ADCYAP1R1: variants seen among roughly 807,000 people sequenced by gnomAD.
The protein encoded by ADCYAP1R1 is ADCYAP receptor type I.
Under a neutral mutation model 67.6 loss-of-function variants are expected in ADCYAP1R1, and 44 were observed. The observed-to-expected ratio is 0.65, with a 90% CI of 0.51 to 0.84. The LOEUF (loss-of-function observed/expected upper bound fraction) is 0.84. Ranked by LOEUF, ADCYAP1R1 falls within the 40% of genes least tolerant of loss-of-function variation. The pLI is 0.00. For synonymous variants in ADCYAP1R1, 222 were observed against 219.6 expected, an observed-to-expected ratio of 1.01 and a Z score of -0.10; for missense variants, 477 against 587.9, an observed-to-expected ratio of 0.81 and a Z score of 1.95.
At chr7:31,068,410 C>T (rs971602339) in intron 3 of ADCYAP1R1, among the ~76,000 whole-genome samples, 6 of 152,238 alleles carry the variant, frequency 3.9e-5, no homozygotes, top group African/African-American at 1.4e-4. Flanking sequence ...TTCTGGAGTC[C>T]GTGCCTTCAC....
chr7:31,058,456 T>A (rs1794352903), intron 1 of ADCYAP1R1, among the ~76,000 whole-genome samples: 1 of 152,036 alleles, frequency 6.6e-6, no homozygotes, highest in South Asian at 2.1e-4. Flanking sequence ...AGGGGAATGG[T>A]GTGCTATTGG....
intron 1 of ADCYAP1R1, among the ~76,000 whole-genome samples, chr7:31,053,128 C>T (rs1021741023): frequency 9.9e-5 from 15 of 152,160 alleles, no homozygotes; most frequent in African/African-American, 3.6e-4. Context: ...TGGAGGGTCC[C>T]CCGGGGCTAG....
Position 31,086,506 on chromosome 7 carries a change from A to G in ADCYAP1R1, c.792A>G (p.Arg264=), listed in dbSNP as rs1198452985. ...TGGAGACCTTCTTCCCTGAAAGGAG[A>G]TACTTCTACTGGTACACCATCATTG... The part of the protein sequence containing the change: ...LLVETFFPER[R]YFYWYTIIGW... Residue 264 remains arginine (R), a synonymous_variant, in exon 10 of 16, where the codon AGA becomes AGG. Transcript: ENST00000304166. The surrounding 1 kb of genome is among the most constrained non-coding windows in gnomAD (Gnocchi z 5.0). 1.2e-6 allele frequency: 2 copies of G among 1,614,004 alleles called. No homozygotes were observed. Among genetic ancestry groups the G allele is most frequent in the Non-Finnish European group, 1.7e-6 (2 of 1,180,034 alleles).
At chr7:31,085,254 G>A (rs1795688643) in intron 8 of ADCYAP1R1, 56 bp from the exon 9 acceptor site, 10 of 1,580,552 alleles carry the variant, frequency 6.3e-6, no homozygotes, top group Admixed American at 5.2e-5. Context: ...CCCACATGGA[G>A]GGTGTGAAAT....
At chr7:31,081,567 G>A (rs770875647) in intron 5 of ADCYAP1R1, 146 bp from the exon 6 acceptor site, 118 of 582,072 alleles carry the variant, frequency 2.0e-4, no homozygotes, top group Middle Eastern at 3.8e-4. Flanking sequence ...GTGCGCGGCT[G>A]CTATGTGTGA....
rs147197741 is a variant in ADCYAP1R1, at chr7:31,075,347, G to A, written c.158-2644G>A. On this transcript the variant is annotated intron_variant, in intron 3 of 15. Coordinates refer to ENST00000304166, the MANE Select transcript of ADCYAP1R1 (RefSeq NM_001118.5). ...GCAGCCCTGTGAGGCGGGCACTGTC[G>A]GTCACCTACTGTCCCTGACATGGCA... Among the ~76,000 whole-genome samples the A allele has an allele frequency of 2.0e-3, 299 of 152,186 alleles. 1 individual carries two copies. Among genetic ancestry groups the A allele is most frequent in the African/African-American group, 6.9e-3 (286 of 41,532 alleles).
chr7:31,093,578 G>A lies in ADCYAP1R1; in HGVS notation c.1046+843G>A, dbSNP rs560403296. 5.1e-3 allele frequency among the ~76,000 whole-genome samples: 779 copies of A among 152,236 alleles called. 5 individuals are homozygous for A. Among genetic ancestry groups the A allele is most frequent in the Non-Finnish European group, 7.5e-3 (510 of 68,006 alleles). On this transcript the variant is annotated intron_variant, in intron 13 of 15. Transcript: ENST00000304166. ...TGAGGACATTTCTGATGCTGGGGAG[G>A]AAGGTTGGTTGTCCCCTGTGGTTGG...
intron 1 of ADCYAP1R1, among the ~76,000 whole-genome samples, chr7:31,053,111 G>T (rs2128610134): frequency 6.6e-6 from 1 of 152,298 alleles, no homozygotes; most frequent in East Asian, 1.9e-4. Context: ...GATCGGGAAG[G>T]CAGGGCTGGA....
rs146852802 is a variant in ADCYAP1R1, at chr7:31,078,019, G to A, written c.186G>A (p.Thr62=). 4,477 of 1,612,722 alleles carry A rather than the reference G, an allele frequency of 2.8e-3. 51 individuals carry two copies. The highest frequency in any genetic ancestry group is 0.015 in the Middle Eastern group (90 of 6,052). The part of the protein sequence containing the change: ...PGCPGMWDNI[T]CWKPAHVGEM... ...GTCCTGGGATGTGGGACAACATCAC[G>A]TGTTGGAAGCCCGCCCATGTGGGTG... Residue 62 remains threonine, a synonymous_variant, in exon 4 of 16, where the codon ACG becomes ACA. Transcript: ENST00000304166.
Position 31,107,170 on chromosome 7 carries a change from C to T in ADCYAP1R1, c.*486C>T, listed in dbSNP as rs1417730204. ...CGAGTGTGCATGCCACCCTGGGGCTCTTCTCAGTCCTGGGCCCAAGTCCCT... is the reference window on the plus strand; with the variant it reads ...CGAGTGTGCATGCCACCCTGGGGCTTTTCTCAGTCCTGGGCCCAAGTCCCT... On this transcript the variant is annotated 3_prime_UTR_variant, in exon 16 of 16. Coordinates refer to ENST00000304166, the MANE Select transcript of ADCYAP1R1 (RefSeq NM_001118.5). 6.5e-6 allele frequency: 1 copy of T among 153,626 alleles called. No individual in the cohort carries two copies. The highest frequency in any genetic ancestry group is 1.9e-4 in the East Asian group (1 of 5,184). The allele number at this position is 153,626 out of a possible 1,614,324, so 9.5% of individuals were successfully genotyped here.
rs1415114166 is a variant in ADCYAP1R1, at chr7:31,102,069, AAGAGTTCAGCTTCTCT to A, written c.1047-1163_1047-1148del. Among the ~76,000 whole-genome samples, 2 of 152,214 alleles carry A rather than the reference AAGAGTTCAGCTTCTCT, an allele frequency of 1.3e-5. No individual in the cohort carries two copies. The highest frequency in any genetic ancestry group is 2.1e-4 in the South Asian group (1 of 4,830). ...AAGTCAAGGGCCTCACACAGACTCC[AAGAGTTCAGCTTCTCT>A]AGAGATCTGGAGCTCCCATGTTCAA... On this transcript the variant is annotated intron_variant, in intron 13 of 15. Transcript: ENST00000304166. This position sits in a 1 kb window ranked among gnomAD's most constrained non-coding sequence, Gnocchi z 4.3.
intron 1 of ADCYAP1R1, 39 bp from the exon 2 acceptor site, chr7:31,063,155 A>C: frequency 7.3e-7 from 1 of 1,370,434 alleles, no homozygotes; most frequent in African/African-American, 1.4e-5. Context: ...CGGCCACTGC[A>C]CTGGGCTCAC....
chr7:31,089,160 T>C (rs984627143), intron 12 of ADCYAP1R1, among the ~76,000 whole-genome samples: 22 of 152,310 alleles, frequency 1.4e-4, no homozygotes, highest in East Asian at 1.2e-3. Flanking sequence ...ATTGCTGGTG[T>C]ACAGGAAAGC....
intron 15 of ADCYAP1R1, 62 bp from the exon 16 acceptor site, chr7:31,106,434 C>T: frequency 6.5e-7 from 1 of 1,537,870 alleles, no homozygotes; most frequent in Non-Finnish European, 8.8e-7. Context: ...CAGGCCAGGA[C>T]AGGGCCTGGA....
Position 31,085,386 on chromosome 7 carries a change from A to G in ADCYAP1R1, c.613A>G (p.Ile205Val). 6.2e-7 allele frequency: 1 copy of G among 1,614,056 alleles called. No individual in the cohort carries two copies. The change falls in exon 9 of 16, where the codon ATC becomes GTC. Residue 205 changes from isoleucine (I) to valine (V), a missense_variant. Physicochemically the swap from Ile to Val is conservative, Grantham distance 29. Coordinates refer to ENST00000304166, the MANE Select transcript of ADCYAP1R1 (RefSeq NM_001118.5). ...SFMLRAISVF[I>V]KDWILYAEQD... ...CATGCTGAGGGCGATCTCCGTCTTC[A>G]TCAAAGACTGGATTCTGTATGCGGA...
Position 31,081,746 on chromosome 7 carries a change from A to T in ADCYAP1R1, c.320A>T (p.Asp107Val). Reference sequence around the variant, plus strand: ...GATTTTGGTGACAGTAACTCCTTAGATCTCTCAGGTAAGGGGTTAGGCTGG... The same window carrying T: ...GATTTTGGTGACAGTAACTCCTTAGTTCTCTCAGGTAAGGGGTTAGGCTGG... ...ESDFGDSNSL[D>V]LSDMGVVSRN... is the part of the protein sequence containing the mutation. Residue 107 changes from aspartate to valine, a missense_variant, in exon 6 of 16, where the codon GAT becomes GTT. Coordinates refer to ENST00000304166, the MANE Select transcript of ADCYAP1R1 (RefSeq NM_001118.5). 1 of 1,596,670 alleles carries T rather than the reference A, an allele frequency of 6.3e-7. No individual in the cohort carries two copies. The highest frequency in any genetic ancestry group is 8.5e-7 in the Non-Finnish European group (1 of 1,171,734).
At chr7:31,105,715 C>T (rs553891246) in intron 15 of ADCYAP1R1, among the ~76,000 whole-genome samples, 1 of 152,156 alleles carries the variant, frequency 6.6e-6, no homozygotes, top group Admixed American at 6.5e-5. Flanking sequence ...CAGATTAGGA[C>T]AGACAAGAGA....
intron 1 of ADCYAP1R1, among the ~76,000 whole-genome samples, chr7:31,056,040 C>A (rs1437452088): frequency 6.6e-6 from 1 of 152,228 alleles, no homozygotes; most frequent in East Asian, 1.9e-4. Context: ...CCCTTTGTGT[C>A]CAAGTCTGTG....
chr7:31,083,755 G>C (rs1237914719), intron 6 of ADCYAP1R1, among the ~76,000 whole-genome samples: 4 of 152,200 alleles, frequency 2.6e-5, no homozygotes, highest in African/African-American at 7.2e-5. Flanking sequence ...TCCTGACAGA[G>C]AATCCCTAAG....
Sources: allele counts gnomAD v4.1 joint callset (sites outside exome capture counted in the v4.1 genomes callset), GRCh38; gene constraint gnomAD v4.1.1; non-coding constraint Gnocchi (gnomAD v3.1); transcripts MANE v1.5; gene names NCBI Gene and HGNC (gene_info 2026-07-23, HGNC 2026-07-21).